MAPK9: variants seen among roughly 807,000 people sequenced by gnomAD.
MAPK9 encodes the protein mitogen-activated protein kinase 9, also known as Jun kinase.
A neutral mutation model predicts 57.1 loss-of-function variants in MAPK9; 30 were observed. That is an observed-to-expected ratio of 0.53 (90% CI 0.39 to 0.71). The LOEUF is 0.71. Among genes scored for constraint, MAPK9 ranks in the 30% least tolerant of loss-of-function variants. MAPK9 has a pLI of 0.00. For missense variants in MAPK9, 362 were observed against 521.0 expected (o/e 0.69, Z 2.97); for synonymous variants, 155 against 177.0 (o/e 0.88, Z 0.99).
intron 3 of MAPK9, among the ~76,000 whole-genome samples, chr5:180,266,948 C>T (rs181417818): frequency 2.6e-4 from 40 of 152,272 alleles, no homozygotes; most frequent in African/African-American, 8.9e-4. Context: ...AACAATCTAT[C>T]CAACAACAGG....
At chr5:180,252,100 C>A (rs183217119) in intron 5 of MAPK9, among the ~76,000 whole-genome samples, 155 of 152,216 alleles carry the variant, frequency 1.0e-3, no homozygotes, top group African/African-American at 3.6e-3. Flanking sequence ...GGTCAGGGGT[C>A]AGGGGTCAGG....
chr5:180,244,543 A>C (rs1438748905), intron 7 of MAPK9, among the ~76,000 whole-genome samples: 1 of 152,038 alleles, frequency 6.6e-6, no homozygotes, highest in African/African-American at 2.4e-5. Context: ...TGGGAGGCCG[A>C]GGCAGGTGGA....
intron 5 of MAPK9, among the ~76,000 whole-genome samples, chr5:180,256,822 G>A (rs1759343792): frequency 6.6e-6 from 1 of 152,176 alleles, no homozygotes; most frequent in South Asian, 2.1e-4. Context: ...TGGGGCCCAA[G>A]GGGGAACAAG....
intron 2 of MAPK9, among the ~76,000 whole-genome samples, chr5:180,270,577 G>A (rs1761163896): frequency 6.6e-6 from 1 of 152,186 alleles, no homozygotes; most frequent in Non-Finnish European, 1.5e-5. Context: ...TAGGCCAGGT[G>A]TGGTGGCTTA....
chr5:180,269,285 T>G lies in MAPK9; in HGVS notation c.247A>C (p.Lys83Gln). The G allele has an allele frequency of 6.2e-7, 1 of 1,613,308 alleles. No homozygotes were observed. Among genetic ancestry groups the G allele is most frequent in the Non-Finnish European group, 8.5e-7 (1 of 1,179,302 alleles). ...ELVLLKCVNHKNIISLLNVFT... is the reference protein window; with the variant it reads ...ELVLLKCVNHQNIISLLNVFT... The stretch of plus-strand genomic sequence containing the variant: ...AAAATACATACATAACTTACATTTT[T>G]ATGATTGACACATTTTAAGAGGACA... The change falls in exon 3 of 12, where the codon AAA (lysine) becomes CAA (glutamine). Residue 83 changes from lysine (K) to glutamine (Q), a missense_variant. Lys to Gln is a moderately conservative substitution (Grantham distance 53). This residue lies in a region of MAPK9 where 127 missense variants were observed against 231.7 expected (regional missense o/e 0.55). Coordinates refer to ENST00000452135, the MANE Select transcript of MAPK9 (RefSeq NM_002752.5).
intron 7 of MAPK9, among the ~76,000 whole-genome samples, chr5:180,243,980 T>C (rs995640989): frequency 6.6e-6 from 1 of 152,102 alleles, no homozygotes; most frequent in Non-Finnish European, 1.5e-5. Context: ...CCCAAGTAGC[T>C]GGGACTACAG....
At chr5:180,290,139 G>A (rs997976095) in intron 1 of MAPK9, among the ~76,000 whole-genome samples, 3 of 152,324 alleles carry the variant, frequency 2.0e-5, no homozygotes, top group South Asian at 2.1e-4. Context: ...AATTACTGGC[G>A]TGAGCCATGG....
intron 7 of MAPK9, chr5:180,246,798 T>C (rs917864513): frequency 6.6e-6 from 1 of 152,350 alleles, no homozygotes; most frequent in Non-Finnish European, 1.5e-5. Context: ...TCATTTTACA[T>C]TTATTTTGAC....
rs947533296 is a variant in MAPK9 at position 180,234,335 on chromosome 5, G to A, written c.*2049C>T. 3 of 152,232 alleles carry A rather than the reference G, an allele frequency of 2.0e-5. No homozygotes were observed. Among genetic ancestry groups the A allele is most frequent in the Non-Finnish European group, 4.4e-5 (3 of 68,062 alleles). 9.4% of individuals were successfully genotyped at this position (152,232 alleles called of 1,614,324 possible). A position where few individuals can be genotyped will look rare whatever the true frequency, so the allele number is the denominator to read the frequency against. The stretch of plus-strand genomic sequence containing the variant: ...GCTCAGGAGAGAGAACCCTGAAGCT[G>A]GGGTGAGGTATTTCTGTGGAGCCCT... On this transcript the variant is annotated 3_prime_UTR_variant, in exon 12 of 12. Transcript: ENST00000452135.
At chr5:180,259,449 A>G (rs1024687762) in intron 5 of MAPK9, among the ~76,000 whole-genome samples, 32 of 151,362 alleles carry the variant, frequency 2.1e-4, no homozygotes, top group Non-Finnish European at 1.5e-4. Flanking sequence ...CACTGGAGAG[A>G]AACCCTTTGA....
At chr5:180,260,996 T>C (rs188546480) in intron 5 of MAPK9, among the ~76,000 whole-genome samples, 16 of 152,272 alleles carry the variant, frequency 1.1e-4, no homozygotes, top group African/African-American at 3.6e-4. Flanking sequence ...CAAGTAATAA[T>C]AACAAAAAAT....
At chr5:180,289,542 T>C (rs1302280373) in intron 1 of MAPK9, among the ~76,000 whole-genome samples, 3 of 152,168 alleles carry the variant, frequency 2.0e-5, no homozygotes, top group Non-Finnish European at 2.9e-5. Flanking sequence ...TGGGAAGTGA[T>C]CTGGGTTCGA....
At chr5:180,258,393 T>G (rs963623421) in intron 5 of MAPK9, 4 of 152,380 alleles carry the variant, frequency 2.6e-5, no homozygotes, top group Admixed American at 6.5e-5. Context: ...AAATCTTCCA[T>G]GTGTTTAAGA....
Position 180,265,682 on chromosome 5 carries a change from C to T in MAPK9, c.253-843G>A, listed in dbSNP as rs140766412. On this transcript the variant is annotated intron_variant, in intron 3 of 11. Coordinates refer to ENST00000452135, the MANE Select transcript of MAPK9 (RefSeq NM_002752.5). ...GTATCTCTTTATGGCAGTGCGGGAACGAACCAGTACACAGCCCATGGTGTA... is the reference window on the plus strand; with the variant it reads ...GTATCTCTTTATGGCAGTGCGGGAATGAACCAGTACACAGCCCATGGTGTA... Among the ~76,000 whole-genome samples the T allele has an allele frequency of 1.2e-3, 188 of 152,282 alleles. No homozygotes were observed. In the Middle Eastern group the frequency reaches 0.024, roughly 19 times the overall value.
intron 1 of MAPK9, among the ~76,000 whole-genome samples, chr5:180,282,516 A>G (rs1003544174): frequency 1.3e-5 from 2 of 152,240 alleles, no homozygotes; most frequent in African/African-American, 4.8e-5. Flanking sequence ...GCAGAAGACA[A>G]GGACGGCTTC....
At chr5:180,260,264 G>A (rs965868205) in intron 5 of MAPK9, among the ~76,000 whole-genome samples, 1 of 152,178 alleles carries the variant, frequency 6.6e-6, no homozygotes, top group Non-Finnish European at 1.5e-5. Context: ...TGAAAGACAT[G>A]ATGTATGCAA....
At chr5:180,258,862 T>TAAAAA (rs531705510) in intron 5 of MAPK9, among the ~76,000 whole-genome samples, 4 of 96,028 alleles carry the variant, frequency 4.2e-5, no homozygotes, top group Admixed American at 1.2e-4. Flanking sequence ...CTGTCTCTAC[T>TAAAAA]AAAAAAAAAA....
intron 3 of MAPK9, among the ~76,000 whole-genome samples, chr5:180,266,149 A>ATT (rs1760527753): frequency 6.6e-6 from 1 of 152,116 alleles, no homozygotes; most frequent in African/African-American, 2.4e-5. Flanking sequence ...CAAAAGAAAA[A>ATT]TGGATAAAGG....
In MAPK9 at chr5:180,291,970, C is replaced by CCCG. The variant is rs556169756; in HGVS notation, c.-173_-171dup. 0.063 allele frequency: 9,882 copies of CCCG among 155,976 alleles called. 885 individuals carry two copies. Among genetic ancestry groups the CCCG allele is most frequent in the African/African-American group, 0.21 (8,405 of 40,654 alleles). The allele number at this position is 155,976 out of a possible 1,614,324, so 9.7% of individuals were successfully genotyped here. On this transcript the variant is annotated 5_prime_UTR_variant, in exon 1 of 12. Coordinates refer to ENST00000452135, the MANE Select transcript of MAPK9 (RefSeq NM_002752.5). ...GCCGGCCCGCCCCGCTCCGCTCCGC[C>CCCG]CCGCCGCCGCCGCCGCCGCCGCCGC...
Sources: gnomAD v4.1 joint callset for allele counts (sites outside exome capture counted in the v4.1 genomes callset) on GRCh38, gnomAD v4.1.1 for gene constraint, gnomAD v4.1.1 regional missense constraint, MANE v1.5 for transcripts, NCBI Gene and HGNC (gene_info 2026-07-23, HGNC 2026-07-21) for gene names.